Variants in VPS54 observed in about 807,000 individuals in gnomAD.
VPS54 encodes vacuolar protein sorting-associated protein 54.
Under a neutral mutation model 121.5 loss-of-function variants are expected in VPS54, and 45 were observed. That is an observed-to-expected ratio of 0.37 (90% CI 0.29 to 0.47). The LOEUF (loss-of-function observed/expected upper bound fraction) is 0.47, where lower values mean the gene tolerates loss of function less well. Among genes scored for constraint, VPS54 ranks in the 20% least tolerant of loss-of-function variants. VPS54 has a pLI of 0.99. For synonymous variants in VPS54, 371 were observed against 385.8 expected (o/e 0.96, Z 0.45); for missense variants, 1,090 against 1,131.4 (o/e 0.96, Z 0.52).
At chr2:63,914,375 C>T (rs1673285795) in intron 16 of VPS54, 88 bp from the exon 17 acceptor site, 5 of 825,346 alleles carry the variant, frequency 6.1e-6, no homozygotes, top group Non-Finnish European at 2.0e-6. Context: ...TACTTAATGG[C>T]ACAAAGGATC....
intron 1 of VPS54, among the ~76,000 whole-genome samples, chr2:63,985,680 T>TACAC (rs3079061): frequency 0.027 from 3,925 of 144,976 alleles, 57 homozygotes; most frequent in East Asian, 0.046. Flanking sequence ...TGACAAATTA[T>TACAC]ACACACACAC....
In VPS54 at chr2:63,962,202, T is replaced by C; in HGVS notation, c.866A>G (p.Lys289Arg). The C allele has an allele frequency of 1.9e-6, 3 of 1,614,046 alleles. No homozygotes were observed. Among genetic ancestry groups the C allele is most frequent in the Non-Finnish European group, 2.5e-6 (3 of 1,179,892 alleles). The change falls in exon 7 of 23, where the codon AAG becomes AGG. Residue 289 changes from lysine (K) to arginine (R), a missense_variant. Lys to Arg is a conservative substitution (Grantham distance 26). This residue lies in a region of VPS54 where 801 missense variants were observed against 757.0 expected (regional missense o/e 1.06). Coordinates refer to ENST00000272322, the MANE Select transcript of VPS54 (RefSeq NM_016516.3). ...TRNNCVKVYNKLKLMATVHQT... is the reference protein window; with the variant it reads ...TRNNCVKVYNRLKLMATVHQT... ...GTGTACAGTGGCCATTAACTTCAGCTTATTGTATACTTTAACACAATTATT... is the reference window on the plus strand; with the variant it reads ...GTGTACAGTGGCCATTAACTTCAGCCTATTGTATACTTTAACACAATTATT...
intron 1 of VPS54, among the ~76,000 whole-genome samples, chr2:64,002,913 T>A (rs1677953424): frequency 6.6e-6 from 1 of 152,180 alleles, no homozygotes; most frequent in Admixed American, 6.5e-5. Flanking sequence ...TAAAAAGATC[T>A]CCCTACAGTA....
chr2:64,005,969 C>T (rs1407986605), intron 1 of VPS54, among the ~76,000 whole-genome samples: 3 of 151,960 alleles, frequency 2.0e-5, no homozygotes, highest in Non-Finnish European at 2.9e-5. Flanking sequence ...AACAATGAGA[C>T]AAATTAAGAG....
intron 2 of VPS54, among the ~76,000 whole-genome samples, chr2:63,983,307 A>G (rs757532149): frequency 1.3e-5 from 2 of 151,380 alleles, no homozygotes; most frequent in Admixed American, 6.6e-5. Context: ...AATTTTTTAT[A>G]TTTTTGGTAG....
intron 14 of VPS54, 127 bp from the exon 15 acceptor site, chr2:63,920,122 A>G (rs1673571506): frequency 1.5e-6 from 1 of 681,162 alleles, no homozygotes; most frequent in Non-Finnish European, 2.4e-6. Context: ...CACTTTAATA[A>G]GCAGGACCAA....
At chr2:63,971,613 A>G (rs1236742087) in intron 4 of VPS54, among the ~76,000 whole-genome samples, 1 of 152,228 alleles carries the variant, frequency 6.6e-6, no homozygotes, top group Non-Finnish European at 1.5e-5. Context: ...TTTAAAACAC[A>G]TGTAATCACT....
intron 3 of VPS54, among the ~76,000 whole-genome samples, chr2:63,973,066 G>C (rs910449585): frequency 1.3e-5 from 2 of 152,178 alleles, no homozygotes; most frequent in African/African-American, 4.8e-5. Flanking sequence ...CAGGCCAGCA[G>C]TGTTCAGAGT....
intron 9 of VPS54, among the ~76,000 whole-genome samples, chr2:63,945,908 AATAT>A (rs963541237): frequency 3.9e-5 from 6 of 152,158 alleles, no homozygotes; most frequent in Non-Finnish European, 8.8e-5. Context: ...AATTGCTTAA[AATAT>A]ATATACAGAA....
intron 3 of VPS54, among the ~76,000 whole-genome samples, chr2:63,979,461 G>C (rs1676702826): frequency 6.6e-6 from 1 of 151,926 alleles, no homozygotes; most frequent in African/African-American, 2.4e-5. Flanking sequence ...GGCTGGTCTT[G>C]AACTCCTGAC....
chr2:63,996,239 A>G (rs1321994414), intron 1 of VPS54, among the ~76,000 whole-genome samples: 1 of 152,170 alleles, frequency 6.6e-6, no homozygotes, highest in East Asian at 1.9e-4. Flanking sequence ...CCAAATTAAT[A>G]CTTTTATAAT....
intron 7 of VPS54, among the ~76,000 whole-genome samples, chr2:63,960,849 C>CA (rs1204248345): frequency 2.0e-5 from 3 of 152,012 alleles, no homozygotes; most frequent in African/African-American, 4.8e-5. Context: ...AAGTAGACTT[C>CA]AAAAAAACAT....
chr2:63,925,643 G>T (rs145608270), intron 12 of VPS54, among the ~76,000 whole-genome samples: 83 of 152,208 alleles, frequency 5.5e-4, no homozygotes, highest in African/African-American at 2.0e-3. Context: ...ATCATAAAAT[G>T]GATTATTTGT....
At chr2:63,991,516 C>G (rs754230161) in intron 1 of VPS54, among the ~76,000 whole-genome samples, 2 of 152,166 alleles carry the variant, frequency 1.3e-5, no homozygotes, top group Non-Finnish European at 2.9e-5. Context: ...TTTCTTGGAG[C>G]CTGCTATAAT....
intron 1 of VPS54, among the ~76,000 whole-genome samples, chr2:64,004,132 A>G (rs1678016590): frequency 6.6e-6 from 1 of 152,212 alleles, no homozygotes; most frequent in South Asian, 2.1e-4. Flanking sequence ...GTAATAGAGT[A>G]TAACATATGG....
intron 1 of VPS54, among the ~76,000 whole-genome samples, chr2:64,016,905 G>A (rs1421746034): frequency 6.6e-6 from 1 of 151,022 alleles, no homozygotes; most frequent in Non-Finnish European, 1.5e-5. Flanking sequence ...CACTGAACCC[G>A]GCCAAGTGGT....
In VPS54 at chr2:63,934,103, C is replaced by T. The variant is rs1420720162; in HGVS notation, c.1399-90G>A. 2.7e-6 allele frequency: 3 copies of T among 1,119,012 alleles called. No homozygotes were observed. In the African/African-American group the frequency reaches 4.7e-5, roughly 18 times the overall value. The allele number at this position is 1,119,012 out of a possible 1,614,324, so 69.3% of individuals were successfully genotyped here. A position where few individuals can be genotyped will look rare whatever the true frequency, so the allele number is the denominator to read the frequency against. On this transcript the variant is annotated intron_variant, in intron 11 of 22. Coordinates refer to ENST00000272322, the MANE Select transcript of VPS54 (RefSeq NM_016516.3). ...AGAATTCTGTGCATGTAATTTTGGACATCTATAATCATAAATGAGTCAAAG... is the reference window on the plus strand; with the variant it reads ...AGAATTCTGTGCATGTAATTTTGGATATCTATAATCATAAATGAGTCAAAG...
chr2:63,962,394 G>C lies in VPS54; in HGVS notation c.674C>G (p.Ser225Cys). The C allele has an allele frequency of 6.2e-7, 1 of 1,613,718 alleles. No individual in the cohort carries two copies. Among genetic ancestry groups the C allele is most frequent in the Non-Finnish European group, 8.5e-7 (1 of 1,179,808 alleles). Residue 225 changes from serine (S) to cysteine (C), a missense_variant, in exon 7 of 23, where the codon TCT becomes TGT. Around this residue, in one of 2 missense-constraint regions of VPS54, gnomAD observed 801 missense variants for 757.0 expected, o/e 1.06. Transcript: ENST00000272322. ...IVEVNIAHQI[S>C]LRSEAFFHAM... ...ATGAAAAAATGCTTCTGAACGTAGA[G>C]AGATCTGGTGAGCAATGTTTACTTC...
chr2:64,017,134 G>A (rs897422371), intron 1 of VPS54, among the ~76,000 whole-genome samples: 2 of 150,718 alleles, frequency 1.3e-5, no homozygotes, highest in Non-Finnish European at 1.5e-5. Context: ...AAGGTCAGGA[G>A]TTCAAGACCA....
Sources: allele counts gnomAD v4.1 joint callset (sites outside exome capture counted in the v4.1 genomes callset), GRCh38; gene constraint gnomAD v4.1.1; regional missense constraint gnomAD v4.1.1; transcripts MANE v1.5; gene names NCBI Gene and HGNC (gene_info 2026-07-23, HGNC 2026-07-21).